Variants in PLEKHD1 observed in about 807,000 individuals in gnomAD.
PLEKHD1 encodes the protein pleckstrin homology and coiled-coil domain containing D1.
A neutral mutation model predicts 69.2 loss-of-function variants in PLEKHD1; 51 were observed. The observed-to-expected ratio is 0.74, with a 90% CI of 0.59 to 0.93. The LOEUF (loss-of-function observed/expected upper bound fraction) is 0.93, where lower values mean the gene tolerates loss of function less well. Ranked by LOEUF, PLEKHD1 falls within the 40% of genes least tolerant of loss-of-function variation. The pLI is 0.00. For synonymous variants in PLEKHD1, 236 were observed against 244.7 expected, an observed-to-expected ratio of 0.96 and a Z score of 0.33; for missense variants, 584 against 641.0, an observed-to-expected ratio of 0.91 and a Z score of 0.96.
In PLEKHD1 at chr14:69,527,228, G is replaced by A. The variant is rs750455667; in HGVS notation, c.1097G>A (p.Arg366Gln). 20 of 1,551,642 alleles carry A rather than the reference G, an allele frequency of 1.3e-5. No homozygotes were observed. The highest frequency in any genetic ancestry group is 1.6e-5 in the Non-Finnish European group (18 of 1,146,972). The change falls in exon 11 of 13, where the codon CGG becomes CAG. Residue 366 changes from arginine to glutamine, a missense_variant. Transcript: ENST00000322564. ...CGCATGGACCTGGAGAGGCGTCTCC[G>A]GGAGGCAGAAGGGGCCTTGCGAAGC... The part of the protein sequence containing the change: ...KVRMDLERRL[R>Q]EAEGALRSLE...
chr14:69,493,617 A>C (rs1882824178), intron 1 of PLEKHD1, among the ~76,000 whole-genome samples: 1 of 152,236 alleles, frequency 6.6e-6, no homozygotes, highest in Non-Finnish European at 1.5e-5. Flanking sequence ...ACTTAGCATC[A>C]GGGCCTTTGC....
chr14:69,478,926 C>T, the PLEKHD1 span, among the ~76,000 whole-genome samples: 1 of 152,180 alleles, frequency 6.6e-6, no homozygotes, highest in Admixed American at 6.5e-5. Context: ...CTGGTACAAA[C>T]TTTTGAGTGC....
chr14:69,484,725 C>T (rs1882612722), upstream of PLEKHD1: 1 of 455,112 alleles, frequency 2.2e-6, no homozygotes, highest in Non-Finnish European at 3.9e-6. Context: ...CCACCCTCCC[C>T]GCGGAGTTCC....
chr14:69,501,397 G>A (rs1028085706), intron 4 of PLEKHD1: 25 of 316,318 alleles, frequency 7.9e-5, no homozygotes, highest in East Asian at 2.7e-4. Context: ...AACACCGACC[G>A]TGTGCTCTGT....
chr14:69,493,778 T>A (rs1882827405), intron 1 of PLEKHD1, among the ~76,000 whole-genome samples: 1 of 152,210 alleles, frequency 6.6e-6, no homozygotes, highest in South Asian at 2.1e-4. Flanking sequence ...TTCTTTATGA[T>A]GGGAGAGAGA....
intron 6 of PLEKHD1, chr14:69,503,705 A>AT (rs1883085565): frequency 1.3e-5 from 2 of 150,634 alleles, no homozygotes; most frequent in African/African-American, 4.9e-5. Flanking sequence ...AAAAAAAAAA[A>AT]AAAAAAAAAT....
At chr14:69,477,139 G>A in the PLEKHD1 span, among the ~76,000 whole-genome samples, 2 of 152,140 alleles carry the variant, frequency 1.3e-5, no homozygotes, top group African/African-American at 4.8e-5. Flanking sequence ...AGCCTCCTAA[G>A]TAGCTAGGAT....
At chr14:69,516,979 G>A (rs762824130) in intron 6 of PLEKHD1, among the ~76,000 whole-genome samples, 6 of 152,170 alleles carry the variant, frequency 3.9e-5, no homozygotes, top group Non-Finnish European at 8.8e-5. Flanking sequence ...GAAGTTGGCT[G>A]CAATATGGAG....
chr14:69,498,588 T>TTTCTCTTCTCTTCTCTTCTCTTCTC (rs71102658), intron 1 of PLEKHD1, among the ~76,000 whole-genome samples: 2,069 of 108,602 alleles, frequency 0.019, 86 homozygotes, highest in Admixed American at 0.039. Flanking sequence ...TTCTTTTTGT[T>TTTCTCTTCTCTTCTCTTCTCTTCTC]TTCTCTTCTC....
chr14:69,484,526 G>A (rs543286858), upstream of PLEKHD1, among the ~76,000 whole-genome samples: 3 of 152,230 alleles, frequency 2.0e-5, no homozygotes, highest in East Asian at 5.8e-4. Flanking sequence ...CCTGCGACCC[G>A]CAGGGACCTT....
At chr14:69,487,768 T>A (rs1035212918) in intron 1 of PLEKHD1, among the ~76,000 whole-genome samples, 1 of 152,178 alleles carries the variant, frequency 6.6e-6, no homozygotes, top group African/African-American at 2.4e-5. Context: ...GTTGACTGTG[T>A]CCTCATCTTG....
chr14:69,526,140 C>T lies in PLEKHD1; in HGVS notation c.923+18C>T. On this transcript the variant is annotated intron_variant, in intron 9 of 12. Transcript: ENST00000322564. Reference sequence around the variant, plus strand: ...GAGAAGCGGTGAGGGAGCCCCGACCCCTGAAGACACCATTGACTTTGGGGT... The same window carrying T: ...GAGAAGCGGTGAGGGAGCCCCGACCTCTGAAGACACCATTGACTTTGGGGT... The T allele has an allele frequency of 6.5e-7, 1 of 1,536,320 alleles. No individual in the cohort carries two copies. The highest frequency in any genetic ancestry group is 1.2e-5 in the South Asian group (1 of 81,690).
chr14:69,474,940 C>G, the PLEKHD1 span, among the ~76,000 whole-genome samples: 1 of 152,168 alleles, frequency 6.6e-6, no homozygotes, highest in Non-Finnish European at 1.5e-5. Flanking sequence ...AATGTGACCT[C>G]GAGTTCCTGG....
At chr14:69,521,323 C>T (rs77660015) in intron 6 of PLEKHD1, among the ~76,000 whole-genome samples, 3,794 of 152,196 alleles carry the variant, frequency 0.025, 101 homozygotes, top group African/African-American at 0.069. Context: ...AGGGTTTGAA[C>T]GCAGGCTCCT....
chr14:69,526,582 A>T (rs1200738175), intron 9 of PLEKHD1, 115 bp from the exon 10 acceptor site: 12 of 1,311,308 alleles, frequency 9.2e-6, no homozygotes, highest in Non-Finnish European at 1.2e-5. Context: ...TCAGGGGCTC[A>T]TAAAGCCTGG....
chr14:69,485,526 C>T (rs1882637418), intron 1 of PLEKHD1, among the ~76,000 whole-genome samples: 1 of 152,002 alleles, frequency 6.6e-6, no homozygotes, highest in Non-Finnish European at 1.5e-5. Context: ...TGACCCAGGC[C>T]GCGAGGACCG....
chr14:69,500,615 G>A lies in PLEKHD1; in HGVS notation c.282G>A (p.Lys94=). The A allele has an allele frequency of 6.4e-7, 1 of 1,551,334 alleles. No homozygotes were observed. Among genetic ancestry groups the A allele is most frequent in the Non-Finnish European group, 8.7e-7 (1 of 1,146,832 alleles). Residue 94 remains lysine, a synonymous_variant, in exon 3 of 13, where the codon AAG becomes AAA. Coordinates refer to ENST00000322564, the MANE Select transcript of PLEKHD1 (RefSeq NM_001161498.2). ...IPLGGCLVEP[K]EEPSMPYAMK... ...TGGGGGGCTGCCTGGTGGAGCCCAA[G>A]GAAGAGCCTAGCATGCCCTATGCCA...
At chr14:69,468,001 C>T in the PLEKHD1 span, among the ~76,000 whole-genome samples, 2 of 152,202 alleles carry the variant, frequency 1.3e-5, no homozygotes, top group Non-Finnish European at 2.9e-5. Context: ...CATCTTGATA[C>T]ACAGCCTTCT....
At chr14:69,518,714 T>A (rs546154165) in intron 6 of PLEKHD1, among the ~76,000 whole-genome samples, 3 of 152,124 alleles carry the variant, frequency 2.0e-5, no homozygotes, top group Non-Finnish European at 4.4e-5. Flanking sequence ...GAGGACAGAA[T>A]TGCTCTTTTA....
Sources: gnomAD v4.1 joint callset for allele counts (sites outside exome capture counted in the v4.1 genomes callset) on GRCh38, gnomAD v4.1.1 for gene constraint, MANE v1.5 for transcripts, NCBI Gene and HGNC (gene_info 2026-07-23, HGNC 2026-07-21) for gene names.